The following FER variants were observed in gnomAD, a reference collection of about 807,000 sequenced individuals.
FER encodes tyrosine-protein kinase Fer.
In FER, 63 loss-of-function variants were observed where a neutral mutation model predicts 111.0. The observed-to-expected ratio is 0.57, with a 90% CI of 0.46 to 0.70. FER has a LOEUF of 0.70. Among genes scored for constraint, FER ranks in the 30% least tolerant of loss-of-function variants. The probability of loss-of-function intolerance (pLI) is 0.00; values close to 1 mark genes in which losing one functional copy is unlikely to be tolerated. For synonymous variants in FER, 327 were observed against 313.9 expected (o/e 1.04, Z -0.44); for missense variants, 914 against 954.0 (o/e 0.96, Z 0.55).
At chr5:109,011,394 G>T (rs971303947) in intron 13 of FER, among the ~76,000 whole-genome samples, 2 of 152,080 alleles carry the variant, frequency 1.3e-5, no homozygotes, top group Non-Finnish European at 2.9e-5. Flanking sequence ...GTGAGATAAG[G>T]TACTTTCTGG....
intron 16 of FER, chr5:109,051,551 G>C (rs1171847412): frequency 1.9e-6 from 3 of 1,610,670 alleles, no homozygotes; most frequent in East Asian, 2.2e-5. Context: ...TCACTTGCTT[G>C]CTTGTCGTAA....
chr5:108,798,214 A>T lies in FER; in HGVS notation c.32A>T (p.His11Leu). The change falls in exon 3 of 20, where the codon CAT (histidine) becomes CTT (leucine). Residue 11 changes from histidine to leucine, a missense_variant. Transcript: ENST00000281092. MGFGSDLKNS[H>L]EAVLKLQDWE... ...TTTGGGAGTGACCTGAAGAATTCAC[A>T]TGAAGCAGTGTTAAAATTGCAAGAC... 1 of 1,614,156 alleles carries T rather than the reference A, an allele frequency of 6.2e-7. No homozygotes were observed. Among genetic ancestry groups the T allele is most frequent in the Non-Finnish European group, 8.5e-7 (1 of 1,180,014 alleles).
At chr5:108,825,611 C>T (rs1759380892) in intron 3 of FER, among the ~76,000 whole-genome samples, 1 of 152,086 alleles carries the variant, frequency 6.6e-6, no homozygotes, top group Non-Finnish European at 1.5e-5. Context: ...TATACATCCT[C>T]CTCAGCTGAC....
At chr5:108,890,286 A>T (rs1386993505) in intron 9 of FER, among the ~76,000 whole-genome samples, 3 of 152,066 alleles carry the variant, frequency 2.0e-5, no homozygotes, top group African/African-American at 7.2e-5. Flanking sequence ...GTTCCATGGT[A>T]TGTGTATCAG....
intron 10 of FER, among the ~76,000 whole-genome samples, chr5:108,939,532 A>T (rs1755967604): frequency 6.6e-6 from 1 of 151,972 alleles, no homozygotes. Flanking sequence ...TGTTGTATGG[A>T]CTTCATTCTC....
intron 10 of FER, among the ~76,000 whole-genome samples, chr5:108,898,567 T>TCCC (rs1749510840): frequency 9.6e-6 from 1 of 104,086 alleles, no homozygotes; most frequent in Non-Finnish European, 1.9e-5. Flanking sequence ...TTCCCTTCCC[T>TCCC]TCCCTCCCTT....
At chr5:108,824,462 T>G (rs1759229042) in intron 3 of FER, among the ~76,000 whole-genome samples, 1 of 152,174 alleles carries the variant, frequency 6.6e-6, no homozygotes, top group African/African-American at 2.4e-5. Flanking sequence ...CTGTGCCTTC[T>G]TCAACTTCTT....
rs886259119 is a variant in FER, at chr5:108,867,793, C to T, written c.508C>T (p.Arg170Ter). Residue 170 changes from arginine (R) to a stop codon, truncating the protein, a stop_gained, in exon 6 of 20, where the codon CGA becomes TGA. Coordinates refer to ENST00000281092, the MANE Select transcript of FER (RefSeq NM_005246.4). LOFTEE classifies it high-confidence loss of function. The stretch of plus-strand genomic sequence containing the variant: ...GAAGGAAACTGAAAAGGCCAAGGAA[C>T]GATACGACAAAGCCACAATGAAACT... ...KGKETEKAKE[R>*]YDKATMKLHM... The T allele has an allele frequency of 2.5e-6, 4 of 1,608,846 alleles. No individual in the cohort carries two copies. Among genetic ancestry groups the T allele is most frequent in the Non-Finnish European group, 3.4e-6 (4 of 1,178,310 alleles).
intron 2 of FER, chr5:108,785,508 C>G (rs565572710): frequency 1.8e-6 from 1 of 564,262 alleles, no homozygotes. Flanking sequence ...GCTGGCTACA[C>G]AGACAACCTG....
chr5:108,905,146 T>C (rs1750574859), intron 10 of FER, among the ~76,000 whole-genome samples: 1 of 152,118 alleles, frequency 6.6e-6, no homozygotes, highest in Admixed American at 6.6e-5. Flanking sequence ...CAATGGATGA[T>C]GCCAGAAACA....
intron 10 of FER, among the ~76,000 whole-genome samples, chr5:108,939,715 T>C (rs1470599517): frequency 6.6e-6 from 1 of 151,960 alleles, no homozygotes; most frequent in Non-Finnish European, 1.5e-5. Flanking sequence ...TATTTAAAAA[T>C]TTTAATTTTT....
At chr5:109,043,124 C>G (rs1249658867) in intron 14 of FER, among the ~76,000 whole-genome samples, 1 of 152,106 alleles carries the variant, frequency 6.6e-6, no homozygotes, top group African/African-American at 2.4e-5. Context: ...TGAATGCTTA[C>G]AAGGCAAATG....
chr5:109,000,877 T>A (rs1764681315), intron 13 of FER, among the ~76,000 whole-genome samples: 1 of 152,078 alleles, frequency 6.6e-6, no homozygotes, highest in African/African-American at 2.4e-5. Context: ...TATAAACACC[T>A]CTACGCAAAT....
intron 13 of FER, among the ~76,000 whole-genome samples, chr5:109,021,780 A>C (rs893598183): frequency 6.6e-6 from 1 of 152,128 alleles, no homozygotes; most frequent in East Asian, 1.9e-4. Flanking sequence ...TTTATGAAAC[A>C]TGACGTTGTG....
At chr5:109,013,528 C>T (rs1308484076) in intron 13 of FER, among the ~76,000 whole-genome samples, 11 of 149,566 alleles carry the variant, frequency 7.4e-5, no homozygotes, top group African/African-American at 9.8e-5. Flanking sequence ...TGAATAATGC[C>T]GCAATAAACA....
intron 5 of FER, among the ~76,000 whole-genome samples, chr5:108,857,392 C>G (rs1402392400): frequency 6.6e-6 from 1 of 151,910 alleles, no homozygotes; most frequent in African/African-American, 2.4e-5. Context: ...GTTGTTGGTG[C>G]TTTATATCAG....
intron 16 of FER, among the ~76,000 whole-genome samples, chr5:109,073,134 A>T (rs1307112237): frequency 6.6e-6 from 1 of 152,142 alleles, no homozygotes; most frequent in African/African-American, 2.4e-5. Flanking sequence ...AGGTAGACAT[A>T]AATTTTGGGG....
chr5:109,016,217 G>C (rs575412604), intron 13 of FER, among the ~76,000 whole-genome samples: 3 of 152,118 alleles, frequency 2.0e-5, no homozygotes, highest in Admixed American at 6.6e-5. Context: ...AAGGCATCCT[G>C]TGTAGGGAAG....
chr5:108,910,784 C>T (rs1212303168), intron 10 of FER, among the ~76,000 whole-genome samples: 1 of 151,864 alleles, frequency 6.6e-6, no homozygotes, highest in East Asian at 1.9e-4. Flanking sequence ...GGATCATGGC[C>T]TCCAGCTCCA....
Sources: allele counts gnomAD v4.1 joint callset (sites outside exome capture counted in the v4.1 genomes callset), GRCh38; gene constraint gnomAD v4.1.1; transcripts MANE v1.5; gene names NCBI Gene and HGNC (gene_info 2026-07-23, HGNC 2026-07-21).